IWS1: variants seen among roughly 807,000 people sequenced by gnomAD.
IWS1 encodes the protein protein IWS1 homolog.
In IWS1, 27 loss-of-function variants were observed where a neutral mutation model predicts 86.7. The observed-to-expected ratio is 0.31, with a 90% CI of 0.23 to 0.43. The LOEUF is 0.43. IWS1 is among the 20% of genes least tolerant of loss of function. IWS1 has a pLI of 1.00. For missense variants in IWS1, 827 were observed against 1,000.8 expected (o/e 0.83, Z 2.34); for synonymous variants, 313 against 335.1 (o/e 0.93, Z 0.72).
intron 6 of IWS1, among the ~76,000 whole-genome samples, chr2:127,496,355 A>C (rs1690512151): frequency 6.6e-6 from 1 of 152,154 alleles, no homozygotes; most frequent in Non-Finnish European, 1.5e-5. Flanking sequence ...CAGTAAGCTA[A>C]GGTTAACTTT....
chr2:127,526,199 C>G lies in IWS1; in HGVS notation c.10G>C (p.Glu4Gln). The G allele has an allele frequency of 6.3e-7, 1 of 1,595,224 alleles. No individual in the cohort carries two copies. Among genetic ancestry groups the G allele is most frequent in the Non-Finnish European group, 8.5e-7 (1 of 1,171,370 alleles). The change falls in exon 1 of 14, where the codon GAA (glutamate) becomes CAA (glutamine). Residue 4 changes from glutamate to glutamine, a missense_variant. Coordinates refer to ENST00000295321, the MANE Select transcript of IWS1 (RefSeq NM_017969.3). ...CCTGACTGGTCGCCGCTGTAATATT[C>G]CGAGTCCATGGCAGGCGGACTCTCA... is the stretch of plus-strand genomic sequence containing the variant. MDS[E>Q]YYSGDQSDDG...
At chr2:127,503,598 ATTAATT>A (rs749474697) in intron 3 of IWS1, 22 bp from the exon 4 acceptor site, 20 of 1,543,512 alleles carry the variant, frequency 1.3e-5, no homozygotes, top group Admixed American at 1.1e-4. Flanking sequence ...GAAAATCATC[ATTAATT>A]TTATTTTATC....
upstream of IWS1, chr2:127,526,798 C>T (rs749519465): frequency 1.0e-4 from 85 of 829,486 alleles, no homozygotes; most frequent in Non-Finnish European, 1.4e-4. Context: ...TTCAGCCAAA[C>T]CACTGTCTTT....
chr2:127,519,808 G>A (rs577394972), intron 2 of IWS1, among the ~76,000 whole-genome samples: 1 of 152,152 alleles, frequency 6.6e-6, no homozygotes, highest in Non-Finnish European at 1.5e-5. Flanking sequence ...TTACAGGAGG[G>A]ATACAGGAAG....
At chr2:127,506,244 T>C (rs1409842994) in intron 2 of IWS1, among the ~76,000 whole-genome samples, 1 of 152,160 alleles carries the variant, frequency 6.6e-6, no homozygotes, top group Admixed American at 6.5e-5. Flanking sequence ...GGTGGACACC[T>C]GTAATCCCAG....
In IWS1 at chr2:127,503,554, G is replaced by A. The variant is rs1690928544; in HGVS notation, c.1242C>T (p.Val414=). The A allele has an allele frequency of 1.3e-6, 2 of 1,593,200 alleles. No individual in the cohort carries two copies. Residue 414 remains valine (V), a synonymous_variant, in exon 4 of 14, where the codon GTC becomes GTT. Coordinates refer to ENST00000295321, the MANE Select transcript of IWS1 (RefSeq NM_017969.3). ...CACTGTCAGAGTCATCTGCATCAGA[G>A]ACAACACGACTCTTCTTTGCTGCTG... ...EKASAKKSRV[V]SDADDSDSDA...
At position 127,489,641 on chromosome 2, in the gene IWS1, G is replaced by A. The variant is rs1316904612; in HGVS notation, c.2159+191C>T. 3.5e-6 allele frequency: 2 copies of A among 569,354 alleles called. No homozygotes were observed. Among genetic ancestry groups the A allele is most frequent in the African/African-American group, 3.8e-5 (2 of 52,610 alleles). 35.3% of individuals were successfully genotyped at this position (569,354 alleles called of 1,614,324 possible). On this transcript the variant is annotated intron_variant, in intron 11 of 13. Coordinates refer to ENST00000295321, the MANE Select transcript of IWS1 (RefSeq NM_017969.3). The surrounding 1 kb of genome is among the most constrained non-coding windows in gnomAD (Gnocchi z 4.8). Reference sequence around the variant, plus strand: ...CCAACAAACTGACCCAGAAAGGTCTGGTTAGGAGGACAGGACCCTCACTAT... The same window carrying A: ...CCAACAAACTGACCCAGAAAGGTCTAGTTAGGAGGACAGGACCCTCACTAT...
At chr2:127,483,183 T>C (rs1268031999) in intron 13 of IWS1, among the ~76,000 whole-genome samples, 1 of 152,200 alleles carries the variant, frequency 6.6e-6, no homozygotes, top group Non-Finnish European at 1.5e-5. Flanking sequence ...TAAAAGTTCA[T>C]GAAAAAATAG....
In IWS1 at chr2:127,505,787, C is replaced by CA. The variant is rs72159568; in HGVS notation, c.151-36dup. 0.087 allele frequency: 69,850 copies of CA among 801,430 alleles called. 1 individual carries two copies. The highest frequency in any genetic ancestry group is 0.096 in the Non-Finnish European group (54,930 of 575,140). The allele number at this position is 801,430 out of a possible 1,614,324, so 49.6% of individuals were successfully genotyped here. ...AAAGTGAGAAAAAATTAGGAAAGTG[C>CA]AAAAAAAAAAAAACCATTAATAATA... On this transcript the variant is annotated intron_variant, in intron 2 of 13. Coordinates refer to ENST00000295321, the MANE Select transcript of IWS1 (RefSeq NM_017969.3). The surrounding 1 kb of genome is among the most constrained non-coding windows in gnomAD (Gnocchi z 5.0).
At chr2:127,484,345 CTATT>C (rs1689813923) in intron 13 of IWS1, 1 of 152,080 alleles carries the variant, frequency 6.6e-6, no homozygotes. Context: ...ACAAAAAACC[CTATT>C]TATTTTTTAT....
In IWS1 at chr2:127,505,491, G is replaced by C. The variant is rs989690357; in HGVS notation, c.412C>G (p.Leu138Val). The change falls in exon 3 of 14, where the codon CTT (leucine) becomes GTT (valine). Residue 138 changes from leucine to valine, a missense_variant. Leu to Val is a conservative substitution (Grantham distance 32). This residue lies in a region of IWS1 where 548 missense variants were observed against 560.2 expected (regional missense o/e 0.98). Coordinates refer to ENST00000295321, the MANE Select transcript of IWS1 (RefSeq NM_017969.3). This position sits in a 1 kb window ranked among gnomAD's most constrained non-coding sequence, Gnocchi z 5.0. Reference protein sequence around the residue: ...LPGSDSENEELLNGHASDSEN... With the variant: ...LPGSDSENEEVLNGHASDSEN... ...GAGTCACTTGCATGCCCATTAAGAA[G>C]TTCCTCATTTTCAGAGTCACTACCA... 1 of 1,614,094 alleles carries C rather than the reference G, an allele frequency of 6.2e-7. No individual in the cohort carries two copies. The highest frequency in any genetic ancestry group is 1.3e-5 in the African/African-American group (1 of 75,010).
At chr2:127,512,002 T>C (rs931762294) in intron 2 of IWS1, among the ~76,000 whole-genome samples, 1 of 152,212 alleles carries the variant, frequency 6.6e-6, no homozygotes, top group Admixed American at 6.5e-5. Context: ...AAAGGAGTTG[T>C]CACTGACTTC....
At chr2:127,483,600 T>TGGGGG (rs1558736829) in intron 13 of IWS1, among the ~76,000 whole-genome samples, 1 of 5,880 alleles carries the variant, frequency 1.7e-4, no homozygotes, top group Non-Finnish European at 4.1e-4. Context: ...GTGGGGGGGT[T>TGGGGG]GGGCTGTGTG....
chr2:127,518,422 C>G (rs1416827022), intron 2 of IWS1, among the ~76,000 whole-genome samples: 1 of 152,068 alleles, frequency 6.6e-6, no homozygotes, highest in African/African-American at 2.4e-5. Context: ...AGGCTGAGGT[C>G]TGGATCACTT....
intron 3 of IWS1, 40 bp downstream of exon 3, chr2:127,504,644 G>A: frequency 7.2e-7 from 1 of 1,381,986 alleles, no homozygotes; most frequent in Non-Finnish European, 1.0e-6. Flanking sequence ...CTTAGACAAT[G>A]AATAAAGCCA....
intron 9 of IWS1, 27 bp from the exon 10 acceptor site, chr2:127,492,115 T>C (rs1690258213): frequency 1.4e-6 from 2 of 1,432,174 alleles, no homozygotes; most frequent in Non-Finnish European, 2.0e-6. Context: ...CATACACACA[T>C]ATTAATCACT....
rs768134543 is a variant in IWS1, at chr2:127,489,866, G to T, written c.2125C>A (p.Leu709Ile). 4 of 1,612,232 alleles carry T rather than the reference G, an allele frequency of 2.5e-6. No homozygotes were observed. The highest frequency in any genetic ancestry group is 1.7e-5 in the Admixed American group (1 of 60,016). The change falls in exon 11 of 14, where the codon CTA becomes ATA. Residue 709 changes from leucine (L) to isoleucine (I), a missense_variant. This residue lies in a region of IWS1 where 279 missense variants were observed against 440.6 expected (regional missense o/e 0.63). Coordinates refer to ENST00000295321, the MANE Select transcript of IWS1 (RefSeq NM_017969.3). This position sits in a 1 kb window ranked among gnomAD's most constrained non-coding sequence, Gnocchi z 4.8. The stretch of plus-strand genomic sequence containing the variant: ...CTTCGTCGTTGAGGCATCTGTTCTA[G>T]ATCTCTCTGCTCCCTTTCTTCTCTT... ...MTREEREQRD[L>I]EQMPQRRRMN...
At chr2:127,522,967 T>G (rs531647498) in intron 2 of IWS1, among the ~76,000 whole-genome samples, 173 of 152,328 alleles carry the variant, frequency 1.1e-3, no homozygotes, top group Non-Finnish European at 2.0e-3. Flanking sequence ...CCTAGCACTT[T>G]GAGAGGCTGA....
At position 127,514,334 on chromosome 2, in the gene IWS1, CA is replaced by C. The variant is rs111726922; in HGVS notation, c.151-8583del. On this transcript the variant is annotated intron_variant, in intron 2 of 13. Transcript: ENST00000295321. ...TGCAGGAAAAGCACTTGGGACCCGC[CA>C]AACGGAGGATGCAAAAAGGGGTGTC... 531 of 154,602 alleles carry C rather than the reference CA, an allele frequency of 3.4e-3. 5 individuals carry two copies. Among genetic ancestry groups the C allele is most frequent in the African/African-American group, 0.012 (487 of 41,630 alleles). 9.6% of individuals were successfully genotyped at this position (154,602 alleles called of 1,614,324 possible). A position where few individuals can be genotyped will look rare whatever the true frequency, so the allele number is the denominator to read the frequency against.
Sources: gnomAD v4.1 joint callset for allele counts (sites outside exome capture counted in the v4.1 genomes callset) on GRCh38, gnomAD v4.1.1 for gene constraint, gnomAD v4.1.1 regional missense constraint, Gnocchi (gnomAD v3.1) non-coding constraint, MANE v1.5 for transcripts, NCBI Gene and HGNC (gene_info 2026-07-23, HGNC 2026-07-21) for gene names.